AKT3: variants seen among roughly 807,000 people sequenced by gnomAD.
The protein encoded by AKT3 is AKT serine/threonine kinase 3, also known as RAC-gamma serine/threonine-protein kinase.
Under a neutral mutation model 65.3 loss-of-function variants are expected in AKT3, and 15 were observed. The observed-to-expected ratio is 0.23, with a 90% CI of 0.15 to 0.35. The LOEUF (loss-of-function observed/expected upper bound fraction) is 0.35, where lower values mean the gene tolerates loss of function less well. AKT3 is among the 10% of genes least tolerant of loss of function. The pLI is 1.00. For missense variants in AKT3, 243 were observed against 576.5 expected (o/e 0.42, Z 5.92); for synonymous variants, 206 against 183.8 (o/e 1.12, Z -0.98).
chr1:243,712,678 T>C (rs1164944914), intron 2 of AKT3, among the ~76,000 whole-genome samples: 1 of 152,192 alleles, frequency 6.6e-6, no homozygotes, highest in Non-Finnish European at 1.5e-5. Context: ...CAAAAATTTT[T>C]GGTGTTCTAG....
intron 3 of AKT3, among the ~76,000 whole-genome samples, chr1:243,691,835 T>C (rs1287700171): frequency 1.3e-5 from 2 of 152,172 alleles, no homozygotes; most frequent in African/African-American, 4.8e-5. Flanking sequence ...GGGAGTAAGC[T>C]GCACACAAGG....
chr1:243,780,262 A>C (rs1346748269), intron 2 of AKT3, among the ~76,000 whole-genome samples: 1 of 152,118 alleles, frequency 6.6e-6, no homozygotes, highest in African/African-American at 2.4e-5. Context: ...GGACAAATCA[A>C]TATGATGTGC....
chr1:243,520,137 T>C (rs1461072896), intron 12 of AKT3, among the ~76,000 whole-genome samples: 2 of 152,182 alleles, frequency 1.3e-5, no homozygotes, highest in African/African-American at 4.8e-5. Flanking sequence ...GTGACTCTAT[T>C]TGGAGATAAG....
chr1:243,811,950 G>A (rs1004257125), intron 2 of AKT3, among the ~76,000 whole-genome samples: 3 of 152,094 alleles, frequency 2.0e-5, no homozygotes, highest in Non-Finnish European at 4.4e-5. Flanking sequence ...AAATGGTGCT[G>A]GGAAAACTGG....
intron 2 of AKT3, among the ~76,000 whole-genome samples, chr1:243,699,766 T>A (rs1685326692): frequency 6.6e-6 from 1 of 152,018 alleles, no homozygotes; most frequent in Admixed American, 6.6e-5. Context: ...GATTAACAAT[T>A]AAGGATTCTG....
chr1:243,651,757 G>A (rs1052128344), intron 4 of AKT3, among the ~76,000 whole-genome samples: 1 of 152,196 alleles, frequency 6.6e-6, no homozygotes, highest in African/African-American at 2.4e-5. Flanking sequence ...CTTGATCGTG[G>A]TGGATAAGCT....
chr1:243,531,633 AGTT>A (rs1054220417), intron 12 of AKT3, among the ~76,000 whole-genome samples: 3 of 152,118 alleles, frequency 2.0e-5, no homozygotes, highest in Non-Finnish European at 4.4e-5. Flanking sequence ...TATAAATTTG[AGTT>A]GTTTTTTATT....
intron 8 of AKT3, among the ~76,000 whole-genome samples, chr1:243,596,832 T>C (rs528674817): frequency 4.7e-4 from 72 of 152,336 alleles, no homozygotes; most frequent in African/African-American, 1.7e-3. Context: ...AATGGTGGTA[T>C]AGCTGTGCAA....
chr1:243,682,077 ATAAATT>A lies in AKT3; in HGVS notation c.172+13508_172+13513del, dbSNP rs544505195. 7.9e-5 allele frequency among the ~76,000 whole-genome samples: 12 copies of A among 152,272 alleles called. No individual in the cohort carries two copies. The East Asian group carries it at 1.7e-3, about 22-fold the overall frequency. ...ACGCACAATCCTCTTTCTAGAAACT[ATAAATT>A]TAAGTTTAAAATGACACACTAAAAA... On this transcript the variant is annotated intron_variant, in intron 3 of 13. Transcript: ENST00000673466.
At chr1:243,782,126 A>G (rs1468078341) in intron 2 of AKT3, among the ~76,000 whole-genome samples, 2 of 152,208 alleles carry the variant, frequency 1.3e-5, no homozygotes, top group Non-Finnish European at 2.9e-5. Flanking sequence ...CCAGCCAACT[A>G]GTCTCTCTTA....
At chr1:243,666,738 A>G (rs899965439) in intron 3 of AKT3, among the ~76,000 whole-genome samples, 1 of 152,204 alleles carries the variant, frequency 6.6e-6, no homozygotes, top group African/African-American at 2.4e-5. Context: ...CACCTAGACT[A>G]CCCAACATCA....
At position 243,792,632 on chromosome 1, in the gene AKT3, G is replaced by T. The variant is rs1191269106; in HGVS notation, c.46+50493C>A. On this transcript the variant is annotated intron_variant, in intron 2 of 13. Coordinates refer to ENST00000673466, the MANE Select transcript of AKT3 (RefSeq NM_005465.7). ...AGTAGGAATGCTTACAGCTACATGG[G>T]GGAGGGGAGAAGAGTTTATAGGAGC... is the stretch of plus-strand genomic sequence containing the variant. Among the ~76,000 whole-genome samples, 3 of 152,038 alleles carry T rather than the reference G, an allele frequency of 2.0e-5. No individual in the cohort carries two copies. The East Asian group carries it at 5.8e-4, about 29-fold the overall frequency.
rs1345802904 is a variant in AKT3 at position 243,637,537 on chromosome 1, G to A, written c.561+74C>T. 8 of 1,318,718 alleles carry A rather than the reference G, an allele frequency of 6.1e-6. No individual in the cohort carries two copies. In the East Asian group the frequency reaches 1.5e-4, roughly 25 times the overall value. 81.7% of individuals were successfully genotyped at this position (1,318,718 alleles called of 1,614,324 possible). On this transcript the variant is annotated intron_variant, in intron 6 of 13. Transcript: ENST00000673466. ...TAATGGAATTTGCATACATTAGCAT[G>A]TAAATTCATGAGCCCACAAACACAT...
At chr1:243,618,770 A>T (rs1431059216) in intron 6 of AKT3, among the ~76,000 whole-genome samples, 4 of 152,108 alleles carry the variant, frequency 2.6e-5, no homozygotes, top group Non-Finnish European at 5.9e-5. Flanking sequence ...ATCCTCTCCA[A>T]TTTATCATTC....
intron 1 of AKT3, among the ~76,000 whole-genome samples, chr1:243,849,491 A>G (rs1459913732): frequency 1.5e-5 from 2 of 133,030 alleles, no homozygotes; most frequent in Non-Finnish European, 3.1e-5. Context: ...CCTCGCCTTC[A>G]CCCCACCCCA....
intron 2 of AKT3, among the ~76,000 whole-genome samples, chr1:243,711,752 G>A (rs1258528737): frequency 1.3e-5 from 2 of 152,096 alleles, no homozygotes; most frequent in Non-Finnish European, 2.9e-5. Flanking sequence ...TTCAAAAGAT[G>A]AAGAAATTCA....
chr1:243,765,228 G>A (rs1489205350), intron 2 of AKT3, among the ~76,000 whole-genome samples: 1 of 151,740 alleles, frequency 6.6e-6, no homozygotes, highest in African/African-American at 2.4e-5. Flanking sequence ...GAAACAAGAG[G>A]ACTTGTTAAT....
At chr1:243,736,491 G>A (rs908783645) in intron 2 of AKT3, among the ~76,000 whole-genome samples, 1 of 152,108 alleles carries the variant, frequency 6.6e-6, no homozygotes, top group African/African-American at 2.4e-5. Context: ...CATAGTCCTG[G>A]AAGAAAATGA....
Position 243,787,427 on chromosome 1 carries a change from G to A in AKT3, c.46+55698C>T, listed in dbSNP as rs534839521. Reference sequence around the variant, plus strand: ...CTTTATTCAGTGACTGCCAGTTGAGGAAATTTGAGATATAGCTGTTTCCTG... The same window carrying A: ...CTTTATTCAGTGACTGCCAGTTGAGAAAATTTGAGATATAGCTGTTTCCTG... On this transcript the variant is annotated intron_variant, in intron 2 of 13. Coordinates refer to ENST00000673466, the MANE Select transcript of AKT3 (RefSeq NM_005465.7). Among the ~76,000 whole-genome samples, 46 of 152,168 alleles carry A rather than the reference G, an allele frequency of 3.0e-4. No homozygotes were observed. In the South Asian group the frequency reaches 9.5e-3, roughly 32 times the overall value.
Sources: gnomAD v4.1 joint callset for allele counts (sites outside exome capture counted in the v4.1 genomes callset) on GRCh38, gnomAD v4.1.1 for gene constraint, MANE v1.5 for transcripts, NCBI Gene and HGNC (gene_info 2026-07-23, HGNC 2026-07-21) for gene names.